The following CHN2 variants were observed in gnomAD, a reference collection of about 807,000 sequenced individuals.
CHN2 encodes the protein beta-chimaerin.
CHN2 carries 35 observed loss-of-function variants against 56.3 expected under a neutral mutation model. The ratio of observed to expected loss-of-function variants is 0.62; its 90% CI spans 0.47 to 0.82. The LOEUF (loss-of-function observed/expected upper bound fraction) is 0.82, where lower values mean the gene tolerates loss of function less well. CHN2 is among the 40% of genes least tolerant of loss of function. The pLI is 0.00. For synonymous variants in CHN2, 210 were observed against 212.8 expected (o/e 0.99, Z 0.12); for missense variants, 491 against 580.5 (o/e 0.85, Z 1.58).
intron 1 of CHN2, among the ~76,000 whole-genome samples, chr7:29,342,927 C>T (rs1797153689): frequency 6.6e-6 from 1 of 152,200 alleles, no homozygotes; most frequent in African/African-American, 2.4e-5. Context: ...TGGTTAGATT[C>T]TGCATCTTGC....
At chr7:29,205,650 A>C (rs1366738966) in intron 1 of CHN2, among the ~76,000 whole-genome samples, 1 of 152,090 alleles carries the variant, frequency 6.6e-6, no homozygotes, top group African/African-American at 2.4e-5. Flanking sequence ...GCTTTTCTTC[A>C]TCAGCCTTTC....
chr7:29,334,467 C>T (rs1796461071), intron 1 of CHN2: 1 of 152,010 alleles, frequency 6.6e-6, no homozygotes, highest in Non-Finnish European at 1.5e-5. Context: ...GTGTGGAATT[C>T]TGTGGTTTTA....
chr7:29,238,021 T>TG (rs1787337018), intron 1 of CHN2, among the ~76,000 whole-genome samples: 1 of 145,726 alleles, frequency 6.9e-6, no homozygotes, highest in South Asian at 2.2e-4. Context: ...TTCTCTTTTT[T>TG]TTTTTTTTTT....
intron 7 of CHN2, among the ~76,000 whole-genome samples, chr7:29,487,535 C>G (rs1388918825): frequency 6.6e-6 from 1 of 152,090 alleles, no homozygotes; most frequent in East Asian, 1.9e-4. Flanking sequence ...GCTAAATAGA[C>G]TATTATACAG....
At chr7:29,368,845 A>G (rs1585179156) in intron 3 of CHN2, among the ~76,000 whole-genome samples, 1 of 152,296 alleles carries the variant, frequency 6.6e-6, no homozygotes, top group Non-Finnish European at 1.5e-5. Flanking sequence ...AAAATTTTAC[A>G]TCTGTTGAAG....
At chr7:29,509,162 T>A in intron 11 of CHN2, 139 bp from the exon 12 acceptor site, 1 of 636,180 alleles carries the variant, frequency 1.6e-6, no homozygotes, top group Non-Finnish European at 2.8e-6. Flanking sequence ...ACAAATTGAT[T>A]AAGTGAAACA....
intron 3 of CHN2, among the ~76,000 whole-genome samples, chr7:29,378,201 G>A (rs1397064696): frequency 6.6e-6 from 1 of 152,188 alleles, no homozygotes; most frequent in Non-Finnish European, 1.5e-5. Context: ...ATGTAATTCA[G>A]CCATTTTCTA....
chr7:29,464,103 G>A (rs1307757594), intron 6 of CHN2, among the ~76,000 whole-genome samples: 1 of 152,228 alleles, frequency 6.6e-6, no homozygotes, highest in Non-Finnish European at 1.5e-5. Flanking sequence ...ACAGCAGGAT[G>A]GCTAGCTAAG....
chr7:29,463,825 A>G (rs190006034), intron 6 of CHN2, among the ~76,000 whole-genome samples: 1 of 152,156 alleles, frequency 6.6e-6, no homozygotes, highest in East Asian at 1.9e-4. Context: ...CTGCTGGTGT[A>G]TAGATGTGGA....
chr7:29,428,185 T>C (rs1805073470), intron 6 of CHN2, among the ~76,000 whole-genome samples: 1 of 152,194 alleles, frequency 6.6e-6, no homozygotes. Context: ...TAGCAACAAC[T>C]TGGCAGGATT....
chr7:29,359,336 G>GA (rs1245435799), intron 2 of CHN2, among the ~76,000 whole-genome samples: 2 of 152,168 alleles, frequency 1.3e-5, no homozygotes, highest in African/African-American at 4.8e-5. Flanking sequence ...AGAAGGGTAA[G>GA]AAATCAGCTC....
At chr7:29,329,434 T>C (rs944680070) in intron 1 of CHN2, among the ~76,000 whole-genome samples, 1 of 126,066 alleles carries the variant, frequency 7.9e-6, no homozygotes, top group Non-Finnish European at 1.7e-5. Context: ...CCCTTCATAA[T>C]AGAACATGGG....
intron 1 of CHN2, among the ~76,000 whole-genome samples, chr7:29,312,731 A>G (rs1029363478): frequency 6.6e-6 from 1 of 152,198 alleles, no homozygotes; most frequent in African/African-American, 2.4e-5. Context: ...CTAGGGTGTC[A>G]CTTATTAAGA....
chr7:29,293,768 C>T (rs1384944858), intron 1 of CHN2, among the ~76,000 whole-genome samples: 1 of 152,044 alleles, frequency 6.6e-6, no homozygotes, highest in Non-Finnish European at 1.5e-5. Flanking sequence ...TTCCCCCTAG[C>T]ACATCTCATT....
chr7:29,338,887 T>A (rs996888319), intron 1 of CHN2, among the ~76,000 whole-genome samples: 4 of 152,342 alleles, frequency 2.6e-5, no homozygotes, highest in Admixed American at 1.3e-4. Flanking sequence ...GCCCTGGTTA[T>A]GAGTATTAAA....
intron 1 of CHN2, among the ~76,000 whole-genome samples, chr7:29,315,061 A>G (rs930719218): frequency 3.3e-5 from 5 of 152,164 alleles, no homozygotes; most frequent in Non-Finnish European, 5.9e-5. Flanking sequence ...AAAATATTGT[A>G]TAATATCCTG....
intron 6 of CHN2, among the ~76,000 whole-genome samples, chr7:29,466,212 A>G (rs1562629369): frequency 6.9e-6 from 1 of 144,836 alleles, no homozygotes; most frequent in East Asian, 2.0e-4. Flanking sequence ...TAAAGAGAGA[A>G]AGAGAGAGAG....
chr7:29,324,030 A>G (rs1366921825), intron 1 of CHN2, among the ~76,000 whole-genome samples: 2 of 151,620 alleles, frequency 1.3e-5, no homozygotes, highest in Middle Eastern at 3.2e-3. Flanking sequence ...ACCAAAAAAA[A>G]GAAAAAAAAA....
rs554913073 is a variant in CHN2, at chr7:29,398,475, G to A, written c.279G>A (p.Thr93=). The change falls in exon 5 of 13, where the codon ACG becomes ACA. Residue 93 remains threonine (T), a synonymous_variant. Transcript: ENST00000222792. ...GCCAGCGGCAACCAGGATGCTACACGCTGGCTCTCAGGTGAGGCGCATTTC... is the reference window on the plus strand; with the variant it reads ...GCCAGCGGCAACCAGGATGCTACACACTGGCTCTCAGGTGAGGCGCATTTC... ...RESQRQPGCY[T]LALRFGNQTL... The A allele has an allele frequency of 1.1e-5, 18 of 1,609,814 alleles. No individual in the cohort carries two copies. The highest frequency in any genetic ancestry group is 2.7e-5 in the African/African-American group (2 of 74,988).
Sources: allele counts gnomAD v4.1 joint callset (sites outside exome capture counted in the v4.1 genomes callset), GRCh38; gene constraint gnomAD v4.1.1; transcripts MANE v1.5; gene names NCBI Gene and HGNC (gene_info 2026-07-23, HGNC 2026-07-21).